Variants in VWA2 observed in about 807,000 individuals in gnomAD.
The protein encoded by VWA2 is von Willebrand factor A domain-containing protein 2.
In VWA2, 73 loss-of-function variants were observed where a neutral mutation model predicts 70.4. That is an observed-to-expected ratio of 1.04 (90% CI 0.86 to 1.26). VWA2 has a LOEUF of 1.26. VWA2 is among the 50% of genes most tolerant of loss of function. VWA2 has a pLI of 0.00. For synonymous variants in VWA2, 407 were observed against 423.3 expected, an observed-to-expected ratio of 0.96 and a Z score of 0.47; for missense variants, 1,011 against 998.5, an observed-to-expected ratio of 1.01 and a Z score of -0.17.
Position 114,289,035 on chromosome 10 carries a change from C to G in VWA2, c.1668C>G (p.Ser556Arg), listed in dbSNP as rs769160519. 1 of 1,614,098 alleles carries G rather than the reference C, an allele frequency of 6.2e-7. No homozygotes were observed. The highest frequency in any genetic ancestry group is 1.3e-5 in the African/African-American group (1 of 74,950). The stretch of plus-strand genomic sequence containing the variant: ...CTCAGATGCAGAGCTTTGTGAGAAG[C>G]TGTGCCCTCCAGTTTGAGGTGAACC... The part of the protein sequence containing the change: ...NFAQMQSFVR[S>R]CALQFEVNPD... The change falls in exon 12 of 14, where the codon AGC (serine) becomes AGG (arginine). Residue 556 changes from serine (S) to arginine (R), a missense_variant. Transcript: ENST00000392982.
intron 6 of VWA2, among the ~76,000 whole-genome samples, chr10:114,275,952 G>A (rs1051524106): frequency 6.6e-6 from 1 of 151,946 alleles, no homozygotes; most frequent in Non-Finnish European, 1.5e-5. Context: ...AATTAATTAG[G>A]GGAAAAATGA....
At chr10:114,268,378 A>G (rs1332609683) in intron 5 of VWA2, among the ~76,000 whole-genome samples, 1 of 151,932 alleles carries the variant, frequency 6.6e-6, no homozygotes, top group Non-Finnish European at 1.5e-5. Context: ...CTGGCCTCAG[A>G]GCCCCCTGTC....
At chr10:114,278,072 G>T (rs748204667) in intron 7 of VWA2, 25 bp downstream of exon 7, 1 of 1,599,452 alleles carries the variant, frequency 6.3e-7, no homozygotes, top group African/African-American at 1.3e-5. Context: ...CCTGGAGGGA[G>T]TGGAAGTGCC....
In VWA2 at chr10:114,278,766, G is replaced by A; in HGVS notation, c.748G>A (p.Val250Ile). ...HPCEHRTLEM[V>I]REFAGNAPCW... ...CTGTGAGCACAGGACGCTGGAGATG[G>A]TCCGGGAGTTCGCTGGCAATGCCCC... The change falls in exon 8 of 14, where the codon GTC becomes ATC. Residue 250 changes from valine to isoleucine, a missense_variant. Transcript: ENST00000392982. 6.2e-7 allele frequency: 1 copy of A among 1,613,946 alleles called. No homozygotes were observed. Among genetic ancestry groups the A allele is most frequent in the Non-Finnish European group, 8.5e-7 (1 of 1,180,046 alleles).
chr10:114,247,550 C>T (rs1159095042), intron 1 of VWA2, among the ~76,000 whole-genome samples: 2 of 152,070 alleles, frequency 1.3e-5, no homozygotes, highest in Non-Finnish European at 2.9e-5. Flanking sequence ...CCACCTGCCT[C>T]GGCCTCCCAA....
chr10:114,284,626 A>C (rs945755923), intron 9 of VWA2, among the ~76,000 whole-genome samples: 1 of 152,206 alleles, frequency 6.6e-6, no homozygotes, highest in African/African-American at 2.4e-5. Context: ...CCAGTTCATC[A>C]CACAGGGCCT....
chr10:114,256,909 CAA>C (rs1191231574), intron 4 of VWA2, among the ~76,000 whole-genome samples: 94 of 54,790 alleles, frequency 1.7e-3, no homozygotes, highest in African/African-American at 4.1e-3. Context: ...AACACCGTCT[CAA>C]AAAAAAAAAA....
intron 5 of VWA2, among the ~76,000 whole-genome samples, chr10:114,266,789 T>C (rs894736347): frequency 2.0e-5 from 3 of 152,172 alleles, no homozygotes; most frequent in African/African-American, 7.2e-5. Flanking sequence ...TAGCTTTGTC[T>C]CCACTTTACC....
intron 11 of VWA2, among the ~76,000 whole-genome samples, chr10:114,288,051 C>A (rs899533082): frequency 6.6e-5 from 10 of 152,170 alleles, no homozygotes; most frequent in African/African-American, 2.4e-4. Context: ...CTTAGAATTT[C>A]CAGTGGTTCC....
intron 6 of VWA2, among the ~76,000 whole-genome samples, chr10:114,276,513 T>G (rs1258075576): frequency 6.6e-6 from 1 of 152,110 alleles, no homozygotes; most frequent in Non-Finnish European, 1.5e-5. Flanking sequence ...ACTTTTATTT[T>G]TTTGAGACAG....
At chr10:114,251,427 G>C (rs1158648993) in intron 2 of VWA2, among the ~76,000 whole-genome samples, 1 of 152,260 alleles carries the variant, frequency 6.6e-6, no homozygotes, top group Non-Finnish European at 1.5e-5. Flanking sequence ...GACATCTTTA[G>C]TGAGTGGTCT....
rs1236183544 is a variant in VWA2, at chr10:114,291,748, A to G, written c.*511A>G. Among the ~76,000 whole-genome samples, 1 of 152,174 alleles carries G rather than the reference A, an allele frequency of 6.6e-6. No individual in the cohort carries two copies. Among genetic ancestry groups the G allele is most frequent in the African/African-American group, 2.4e-5 (1 of 41,442 alleles). ...GCAGCTTTTCCACTTCCCCAGAGACATTCTGGATGCATTTGCATTGAGTCT... is the reference window on the plus strand; with the variant it reads ...GCAGCTTTTCCACTTCCCCAGAGACGTTCTGGATGCATTTGCATTGAGTCT... On this transcript the variant is annotated 3_prime_UTR_variant, in exon 14 of 14. Transcript: ENST00000392982.
At position 114,285,968 on chromosome 10, in the gene VWA2, G is replaced by A. The variant is rs573535588; in HGVS notation, c.1027G>A (p.Asp343Asn). 8 of 1,607,822 alleles carry A rather than the reference G, an allele frequency of 5.0e-6. No individual in the cohort carries two copies. Among genetic ancestry groups the A allele is most frequent in the East Asian group, 2.2e-5 (1 of 44,752 alleles). ...GAAGCTGAGCCTGGAATGCAGGGTC[G>A]ACCTCCTCTTCCTGCTGGACAGCTC... ...ALKLSLECRV[D>N]LLFLLDSSAG... The change falls in exon 11 of 14, where the codon GAC (aspartate) becomes AAC (asparagine). Residue 343 changes from aspartate (D) to asparagine (N), a missense_variant. Physicochemically the swap from Asp to Asn is conservative, Grantham distance 23. Transcript: ENST00000392982.
rs752890861 is a variant in VWA2 at position 114,289,207 on chromosome 10, C to T, written c.1840C>T (p.Leu614=). 6 of 1,613,604 alleles carry T rather than the reference C, an allele frequency of 3.7e-6. No homozygotes were observed. The East Asian group carries it at 1.3e-4, about 36-fold the overall frequency. The change falls in exon 12 of 14, where the codon CTG becomes TTG. Residue 614 remains leucine, a synonymous_variant. Coordinates refer to ENST00000392982, the MANE Select transcript of VWA2 (RefSeq NM_001272046.2). ...LGGVGSAGTA[L]LHIYDKVMTV... ...TGGGGTGGGCTCAGCCGGCACCGCC[C>T]TGCTGCACATCTATGACAAAGTGAT...
At chr10:114,280,130 T>C (rs113526254) in intron 8 of VWA2, among the ~76,000 whole-genome samples, 1 of 152,052 alleles carries the variant, frequency 6.6e-6, no homozygotes, top group Admixed American at 6.6e-5. Context: ...GCCCTACAGG[T>C]TTGTTGAGAA....
intron 10 of VWA2, 21 bp from the exon 11 acceptor site, chr10:114,285,918 G>A: frequency 1.9e-6 from 3 of 1,566,450 alleles, no homozygotes; most frequent in Non-Finnish European, 2.6e-6. Flanking sequence ...TTGACAGTGG[G>A]TGTTGCTGTG....
At chr10:114,270,130 A>G (rs541954094) in intron 5 of VWA2, among the ~76,000 whole-genome samples, 3 of 152,224 alleles carry the variant, frequency 2.0e-5, no homozygotes, top group Non-Finnish European at 4.4e-5. Context: ...TGAGCCCTGG[A>G]GAGGAAAGAG....
chr10:114,259,987 C>T (rs1259520694), intron 4 of VWA2, among the ~76,000 whole-genome samples: 1 of 152,190 alleles, frequency 6.6e-6, no homozygotes, highest in Non-Finnish European at 1.5e-5. Flanking sequence ...CATCATCTCC[C>T]ACGTCCCACG....
chr10:114,277,822 C>T, intron 6 of VWA2, 92 bp from the exon 7 acceptor site: 2 of 1,455,566 alleles, frequency 1.4e-6, no homozygotes, highest in Admixed American at 2.1e-5. Flanking sequence ...TAAATCTGTG[C>T]TGCCATCCAC....
Sources: gnomAD v4.1 joint callset for allele counts (sites outside exome capture counted in the v4.1 genomes callset) on GRCh38, gnomAD v4.1.1 for gene constraint, MANE v1.5 for transcripts, NCBI Gene and HGNC (gene_info 2026-07-23, HGNC 2026-07-21) for gene names.